PTK2: variants seen among roughly 807,000 people sequenced by gnomAD.
PTK2 encodes focal adhesion kinase 1.
Under a neutral mutation model 150.1 loss-of-function variants are expected in PTK2, and 45 were observed. That is an observed-to-expected ratio of 0.30 (90% confidence interval 0.24 to 0.38). PTK2 has a LOEUF of 0.38. Ranked by LOEUF, PTK2 falls within the 10% of genes least tolerant of loss-of-function variation. The probability of loss-of-function intolerance (pLI) is 1.00; values close to 1 mark genes in which losing one functional copy is unlikely to be tolerated. For missense variants in PTK2, 919 were observed against 1,307.3 expected (o/e 0.70, Z 4.58); for synonymous variants, 432 against 449.2 (o/e 0.96, Z 0.48).
chr8:140,849,363 C>T (rs1371129440), intron 5 of PTK2, among the ~76,000 whole-genome samples: 3 of 152,194 alleles, frequency 2.0e-5, no homozygotes, highest in African/African-American at 7.2e-5. Context: ...CCACTGGGCA[C>T]GGCCACATCC....
chr8:140,954,156 G>A (rs1330603309), intron 1 of PTK2, among the ~76,000 whole-genome samples: 1 of 151,950 alleles, frequency 6.6e-6, no homozygotes. Context: ...ATTTTTGTCT[G>A]TTTAGCAGAG....
chr8:140,800,713 T>C (rs1379064924), intron 11 of PTK2, 137 bp from the exon 12 acceptor site: 11 of 651,028 alleles, frequency 1.7e-5, no homozygotes, highest in African/African-American at 3.5e-5. Flanking sequence ...TGTCATGAGA[T>C]TTGAGAAAGG....
intron 10 of PTK2, among the ~76,000 whole-genome samples, chr8:140,811,419 G>C (rs771225498): frequency 3.3e-5 from 5 of 152,124 alleles, no homozygotes; most frequent in Non-Finnish European, 4.4e-5. Context: ...AAATACAAAG[G>C]TCAGCAACTT....
intron 16 of PTK2, among the ~76,000 whole-genome samples, chr8:140,754,216 C>T (rs1402716533): frequency 2.0e-5 from 3 of 152,204 alleles, no homozygotes; most frequent in Admixed American, 6.5e-5. Context: ...GTAATGGTGA[C>T]GTGGTCCTTG....
chr8:141,001,390 G>C (rs1415342584), upstream of PTK2: 1 of 150,878 alleles, frequency 6.6e-6, no homozygotes, highest in Non-Finnish European at 1.5e-5. Context: ...CCCGCCTCTC[G>C]GGGGGACTGG....
intron 1 of PTK2, among the ~76,000 whole-genome samples, chr8:140,990,627 G>T (rs761293167): frequency 6.0e-4 from 91 of 152,260 alleles, no homozygotes; most frequent in African/African-American, 2.1e-3. Context: ...GAGCTGCACA[G>T]TTGAGTGAAA....
At chr8:140,872,746 A>G (rs1009013906) in intron 4 of PTK2, among the ~76,000 whole-genome samples, 3 of 152,222 alleles carry the variant, frequency 2.0e-5, no homozygotes, top group African/African-American at 7.2e-5. Flanking sequence ...TACATGTTCC[A>G]TATGGTCTTA....
intron 7 of PTK2, among the ~76,000 whole-genome samples, chr8:140,834,912 A>G (rs1033261821): frequency 6.6e-6 from 1 of 152,222 alleles, no homozygotes; most frequent in Non-Finnish European, 1.5e-5. Flanking sequence ...TCCTGTTGCC[A>G]TTTAGCATTT....
chr8:140,716,964 A>G (rs1302656170), intron 23 of PTK2, among the ~76,000 whole-genome samples: 1 of 152,222 alleles, frequency 6.6e-6, no homozygotes, highest in Non-Finnish European at 1.5e-5. Context: ...GGCATGGCCC[A>G]GCAACTGTAA....
chr8:140,737,888 A>C (rs2100053503), intron 21 of PTK2, among the ~76,000 whole-genome samples: 1 of 152,212 alleles, frequency 6.6e-6, no homozygotes, highest in Non-Finnish European at 1.5e-5. Flanking sequence ...AACACACATC[A>C]ACTGGACTTC....
At chr8:140,748,970 T>C (rs1160966648) in intron 17 of PTK2, among the ~76,000 whole-genome samples, 1 of 152,208 alleles carries the variant, frequency 6.6e-6, no homozygotes, top group Non-Finnish European at 1.5e-5. Flanking sequence ...GAAGTAATTT[T>C]AAAAATACGA....
At chr8:140,805,384 C>A (rs562809682) in intron 10 of PTK2, among the ~76,000 whole-genome samples, 1 of 152,040 alleles carries the variant, frequency 6.6e-6, no homozygotes, top group African/African-American at 2.4e-5. Flanking sequence ...CATGGTGAAA[C>A]CCCGTCACTA....
chr8:140,902,840 C>G (rs988390444), intron 2 of PTK2, among the ~76,000 whole-genome samples: 4 of 145,362 alleles, frequency 2.8e-5, no homozygotes, highest in African/African-American at 7.6e-5. Context: ...TTTGAAGATT[C>G]TGGATATTAG....
chr8:140,815,887 T>C (rs1297909547), intron 10 of PTK2, among the ~76,000 whole-genome samples: 1 of 152,110 alleles, frequency 6.6e-6, no homozygotes, highest in African/African-American at 2.4e-5. Flanking sequence ...ATTAAAGACA[T>C]GTTATTAAAA....
At chr8:140,904,935 C>CA (rs1211725033) in intron 2 of PTK2, among the ~76,000 whole-genome samples, 1 of 151,960 alleles carries the variant, frequency 6.6e-6, no homozygotes, top group Non-Finnish European at 1.5e-5. Flanking sequence ...TTAATCTTTT[C>CA]AAAAAACCAG....
At chr8:140,798,509 TA>T (rs1270439126) in intron 12 of PTK2, among the ~76,000 whole-genome samples, 2 of 152,190 alleles carry the variant, frequency 1.3e-5, no homozygotes, top group Admixed American at 1.3e-4. Context: ...ACAAAGAGCT[TA>T]AAAAGCATCG....
At chr8:140,959,081 T>C (rs970849417) in intron 1 of PTK2, among the ~76,000 whole-genome samples, 3 of 152,118 alleles carry the variant, frequency 2.0e-5, no homozygotes, top group South Asian at 2.1e-4. Flanking sequence ...TTTAAAACTA[T>C]ACAAAAGCTA....
At chr8:140,781,046 G>A (rs2100081376) in intron 14 of PTK2, among the ~76,000 whole-genome samples, 1 of 152,052 alleles carries the variant, frequency 6.6e-6, no homozygotes, top group Non-Finnish European at 1.5e-5. Context: ...CTTTGTAAAG[G>A]CATCAAAAAT....
At chr8:140,947,420 G>A (rs937124616) in intron 1 of PTK2, among the ~76,000 whole-genome samples, 1 of 152,142 alleles carries the variant, frequency 6.6e-6, no homozygotes, top group African/African-American at 2.4e-5. Flanking sequence ...GCTAAAAGTG[G>A]CAGCACCAAA....
Sources: gnomAD v4.1 joint callset for allele counts (sites outside exome capture counted in the v4.1 genomes callset) on GRCh38, gnomAD v4.1.1 for gene constraint, MANE v1.5 for transcripts, NCBI Gene and HGNC (gene_info 2026-07-23, HGNC 2026-07-21) for gene names.